Variants in BTBD9 observed in about 807,000 individuals in gnomAD.
BTBD9 encodes the protein BTB/POZ domain-containing protein 9.
BTBD9 carries 49 observed loss-of-function variants against 64.3 expected under a neutral mutation model. The ratio of observed to expected loss-of-function variants is 0.76; its 90% CI spans 0.61 to 0.97. The LOEUF (loss-of-function observed/expected upper bound fraction) is 0.97. Ranked by LOEUF, BTBD9 falls within the 50% of genes least tolerant of loss-of-function variation. The probability of loss-of-function intolerance (pLI) is 0.00; values close to 1 mark genes in which losing one functional copy is unlikely to be tolerated. For missense variants in BTBD9, 598 were observed against 762.1 expected (o/e 0.78, Z 2.53); for synonymous variants, 260 against 274.7 (o/e 0.95, Z 0.53).
chr6:38,533,117 T>A (rs983674932), intron 6 of BTBD9, among the ~76,000 whole-genome samples: 4 of 151,518 alleles, frequency 2.6e-5, no homozygotes, highest in Admixed American at 6.6e-5. Flanking sequence ...GATTAAAAAA[T>A]AATAATAATA....
chr6:38,228,137 G>A (rs943609227), intron 9 of BTBD9, among the ~76,000 whole-genome samples: 27 of 150,918 alleles, frequency 1.8e-4, no homozygotes, highest in African/African-American at 6.3e-4. Flanking sequence ...AGAGGTGGGC[G>A]GACTGCTTGA....
intron 9 of BTBD9, among the ~76,000 whole-genome samples, chr6:38,254,451 A>AAAACAAAC (rs374722049): frequency 6.6e-6 from 1 of 151,938 alleles, no homozygotes; most frequent in African/African-American, 2.4e-5. Context: ...TGTCTCTACA[A>AAAACAAAC]AAACAAACAA....
intron 4 of BTBD9, chr6:38,587,774 C>T (rs1387938130): frequency 1.4e-6 from 1 of 705,888 alleles, no homozygotes; most frequent in African/African-American, 1.7e-5. Context: ...GAAAAGCCTG[C>T]TTCTTCGGAT....
intron 1 of BTBD9, among the ~76,000 whole-genome samples, chr6:38,637,567 A>G (rs896044074): frequency 1.3e-5 from 2 of 152,242 alleles, no homozygotes; most frequent in Non-Finnish European, 2.9e-5. Context: ...CAGGATCAGC[A>G]GTAAAGACAA....
chr6:38,392,753 GAAAAC>G (rs773471928), intron 6 of BTBD9, among the ~76,000 whole-genome samples: 3 of 151,114 alleles, frequency 2.0e-5, no homozygotes, highest in Non-Finnish European at 3.0e-5. Context: ...GAGGGAAACT[GAAAAC>G]AAAACAAAAC....
At chr6:38,608,411 A>C (rs941513227) in intron 1 of BTBD9, among the ~76,000 whole-genome samples, 1 of 152,210 alleles carries the variant, frequency 6.6e-6, no homozygotes, top group African/African-American at 2.4e-5. Flanking sequence ...AATACAAGAC[A>C]AGCCATTTCT....
At chr6:38,179,759 C>T (rs970056215) in intron 10 of BTBD9, 1 of 456,620 alleles carries the variant, frequency 2.2e-6, no homozygotes, top group Non-Finnish European at 4.4e-6. Context: ...ACAATTCTAC[C>T]AGCACGGGAT....
intron 7 of BTBD9, among the ~76,000 whole-genome samples, chr6:38,333,441 T>C (rs1763753639): frequency 6.6e-6 from 1 of 152,216 alleles, no homozygotes; most frequent in Admixed American, 6.5e-5. Context: ...GGTTTCAATC[T>C]GTTTCCCCAC....
chr6:38,243,246 T>C (rs987096792), intron 9 of BTBD9, among the ~76,000 whole-genome samples: 5 of 152,176 alleles, frequency 3.3e-5, no homozygotes, highest in African/African-American at 1.2e-4. Context: ...AATTTTATAT[T>C]TGAAATCTGG....
chr6:38,444,047 T>C (rs1769160446), intron 6 of BTBD9, among the ~76,000 whole-genome samples: 1 of 152,234 alleles, frequency 6.6e-6, no homozygotes, highest in South Asian at 2.1e-4. Flanking sequence ...TCCCAGTTCT[T>C]CACACTGGGT....
At chr6:38,411,389 C>A (rs1057087059) in intron 6 of BTBD9, among the ~76,000 whole-genome samples, 1 of 152,088 alleles carries the variant, frequency 6.6e-6, no homozygotes, top group African/African-American at 2.4e-5. Context: ...AGATATAGAG[C>A]CAAACTACAT....
At chr6:38,266,680 AG>A (rs1765018083) in intron 8 of BTBD9, among the ~76,000 whole-genome samples, 2 of 149,754 alleles carry the variant, frequency 1.3e-5, no homozygotes, top group African/African-American at 2.5e-5. Context: ...GAAAGAAAGA[AG>A]AAAAAGAAAA....
At chr6:38,238,937 C>T (rs989064054) in intron 9 of BTBD9, among the ~76,000 whole-genome samples, 1 of 152,142 alleles carries the variant, frequency 6.6e-6, no homozygotes, top group African/African-American at 2.4e-5. Context: ...ATGTCCGACC[C>T]CTGCTTCCAT....
intron 6 of BTBD9, among the ~76,000 whole-genome samples, chr6:38,418,487 A>C (rs1403243174): frequency 6.6e-6 from 1 of 152,200 alleles, no homozygotes. Context: ...TGAGTGAGTG[A>C]GTTTGCTGGT....
intron 9 of BTBD9, among the ~76,000 whole-genome samples, chr6:38,221,665 T>C (rs1341853766): frequency 3.9e-5 from 6 of 152,216 alleles, no homozygotes; most frequent in Non-Finnish European, 7.3e-5. Flanking sequence ...TATTACAGAC[T>C]TCCCTCTGAA....
At chr6:38,219,209 A>G (rs1047044617) in intron 9 of BTBD9, among the ~76,000 whole-genome samples, 21 of 135,972 alleles carry the variant, frequency 1.5e-4, no homozygotes, top group Non-Finnish European at 2.3e-4. Context: ...AGCTTGGCTC[A>G]CTGCCAGCTC....
chr6:38,521,109 T>C (rs534786345), intron 6 of BTBD9, among the ~76,000 whole-genome samples: 1 of 150,862 alleles, frequency 6.6e-6, no homozygotes, highest in African/African-American at 2.4e-5. Context: ...ACACACTGTG[T>C]ACCCACAAAA....
intron 1 of BTBD9, among the ~76,000 whole-genome samples, chr6:38,614,340 A>T (rs1777719959): frequency 6.6e-6 from 1 of 152,134 alleles, no homozygotes; most frequent in Non-Finnish European, 1.5e-5. Flanking sequence ...AGAGGACAAT[A>T]ACCAGAACAC....
intron 6 of BTBD9, among the ~76,000 whole-genome samples, chr6:38,371,548 G>A (rs781326002): frequency 8.5e-5 from 13 of 152,194 alleles, no homozygotes; most frequent in Non-Finnish European, 1.8e-4. Flanking sequence ...CAGGGTGAAC[G>A]AGATGGATGA....
Sources: gnomAD v4.1 joint callset for allele counts (sites outside exome capture counted in the v4.1 genomes callset) on GRCh38, gnomAD v4.1.1 for gene constraint, MANE v1.5 for transcripts, NCBI Gene and HGNC (gene_info 2026-07-23, HGNC 2026-07-21) for gene names.